The following ACY1 variants were observed in gnomAD, a reference collection of about 807,000 sequenced individuals.
ACY1 encodes the protein aminoacylase 1.
In ACY1, 38 loss-of-function variants were observed where a neutral mutation model predicts 53.3. The ratio of observed to expected loss-of-function variants is 0.71; its 90% confidence interval spans 0.55 to 0.93. The LOEUF is 0.93. Ranked by LOEUF, ACY1 falls within the 40% of genes least tolerant of loss-of-function variation. The pLI is 0.00. For missense variants in ACY1, 484 were observed against 540.9 expected, an observed-to-expected ratio of 0.89 and a Z score of 1.04; for synonymous variants, 177 against 202.1, an observed-to-expected ratio of 0.88 and a Z score of 1.05.
chr3:51,989,019 T>C lies in ACY1; in HGVS notation c.1171T>C (p.Tyr391His). The change falls in exon 15 of 15, where the codon TAT becomes CAT. Residue 391 changes from tyrosine to histidine, a missense_variant. Tyr to His is a moderately conservative substitution (Grantham distance 83). Coordinates refer to ENST00000636358, the MANE Select transcript of ACY1 (RefSeq NM_000666.3). ...EAVFLRGVDI[Y>H]TRLLPALASV... ...TGTGTTCCTCCGTGGGGTGGACATA[T>C]ATACACGCCTGCTGCCTGCCCTTGC... 3 of 1,614,076 alleles carry C rather than the reference T, an allele frequency of 1.9e-6. No individual in the cohort carries two copies. Among genetic ancestry groups the C allele is most frequent in the Non-Finnish European group, 2.5e-6 (3 of 1,180,030 alleles).
At chr3:51,988,292 A>G in intron 12 of ACY1, 1 of 609,146 alleles carries the variant, frequency 1.6e-6, no homozygotes, top group Non-Finnish European at 3.0e-6. Context: ...CACTTGGGCT[A>G]GGATCTGAAG....
At position 51,986,681 on chromosome 3, in the gene ACY1, G is replaced by C; in HGVS notation, c.583+20G>C. The C allele has an allele frequency of 6.2e-7, 1 of 1,613,170 alleles. No individual in the cohort carries two copies. Among genetic ancestry groups the C allele is most frequent in the Non-Finnish European group, 8.5e-7 (1 of 1,179,814 alleles). ...CCTGGTGTAAGTATGAGCTTGGAGG[G>C]AGGGCTCACTCTACAGGCGGGAGGC... On this transcript the variant is annotated intron_variant, in intron 8 of 14. Transcript: ENST00000636358.
In ACY1 at chr3:51,986,474, G is replaced by A. The variant is rs564775955; in HGVS notation, c.496G>A (p.Ala166Thr). 1.5e-5 allele frequency: 24 copies of A among 1,613,804 alleles called. No individual in the cohort carries two copies. Among genetic ancestry groups the A allele is most frequent in the Non-Finnish European group, 1.8e-5 (21 of 1,179,892 alleles). Residue 166 changes from alanine to threonine, a missense_variant, in exon 7 of 15, where the codon GCC becomes ACC. Coordinates refer to ENST00000636358, the MANE Select transcript of ACY1 (RefSeq NM_000666.3). ...ELFVQRPEFHALRAGFALDEG... is the reference protein window; with the variant it reads ...ELFVQRPEFHTLRAGFALDEG... ...GTTCGTGCAGCGGCCTGAGTTCCAC[G>A]CCCTGAGGGCAGGCTTTGCCCTGGA...
rs763508810 is a variant in ACY1 at position 51,985,291 on chromosome 3, C to T, written c.159+20C>T. The T allele has an allele frequency of 3.0e-5, 48 of 1,612,520 alleles. No individual in the cohort carries two copies. The highest frequency in any genetic ancestry group is 4.5e-5 in the East Asian group (2 of 44,852). ...GTAGAGGTGAGCCTGGGGCCCTAAG[C>T]GGGGAAGGGAGGTGGGCCTGGGCAC... On this transcript the variant is annotated intron_variant, in intron 3 of 14. Coordinates refer to ENST00000636358, the MANE Select transcript of ACY1 (RefSeq NM_000666.3).
rs762029113 is a variant in ACY1 at position 51,988,762 on chromosome 3, A to G, written c.1002-4A>G. ...CCCCATTCATCAGGCTCTTTCTCCT[A>G]CAGGAACCTCACTCTGGAGCCTGAG... On this transcript the variant is annotated splice_region_variant and splice_polypyrimidine_tract_variant and intron_variant, in intron 13 of 14. Transcript: ENST00000636358. 5 of 1,613,082 alleles carry G rather than the reference A, an allele frequency of 3.1e-6. No homozygotes were observed. The highest frequency in any genetic ancestry group is 4.2e-6 in the Non-Finnish European group (5 of 1,179,788).
chr3:51,984,267 C>A, intron 2 of ACY1, 109 bp downstream of exon 2: 1 of 1,012,794 alleles, frequency 9.9e-7, no homozygotes, highest in South Asian at 1.3e-5. Flanking sequence ...TCTGCTGTCC[C>A]AAATGGCTCC....
intron 5 of ACY1, 89 bp from the exon 6 acceptor site, chr3:51,986,166 G>T: frequency 7.2e-7 from 1 of 1,391,074 alleles, no homozygotes. Context: ...GTAAAGTCCA[G>T]GACACAGGAC....
chr3:51,988,574 G>A lies in ACY1; in HGVS notation c.972G>A (p.Trp324Ter). ...VTPTDDSNPW[W>*]AAFSRVCKDM... ...CTACTGATGACTCAAACCCTTGGTGGGCAGCTTTTAGCCGGGTCTGCAAGG... is the reference window on the plus strand; with the variant it reads ...CTACTGATGACTCAAACCCTTGGTGAGCAGCTTTTAGCCGGGTCTGCAAGG... Residue 324 changes from tryptophan (W) to a stop codon, truncating the protein, a stop_gained, in exon 13 of 15, where the codon TGG becomes TGA. Coordinates refer to ENST00000636358, the MANE Select transcript of ACY1 (RefSeq NM_000666.3). LOFTEE classifies it high-confidence loss of function. The A allele has an allele frequency of 6.2e-7, 1 of 1,614,130 alleles. No individual in the cohort carries two copies. The highest frequency in any genetic ancestry group is 8.5e-7 in the Non-Finnish European group (1 of 1,180,024).
intron 1 of ACY1, 109 bp from the exon 2 acceptor site, chr3:51,983,938 A>ATCC (rs1700969672): frequency 2.5e-6 from 2 of 793,530 alleles, no homozygotes; most frequent in South Asian, 2.8e-5. Context: ...GAAACACGGT[A>ATCC]TCCTACCCCT....
At chr3:51,984,231 AC>A (rs34903202) in intron 2 of ACY1, 73 bp downstream of exon 2, 14 of 1,377,470 alleles carry the variant, frequency 1.0e-5, no homozygotes, top group Non-Finnish European at 1.3e-5. Flanking sequence ...CCAGCCTCCA[AC>A]CCCTGTCACC....
intron 8 of ACY1, 66 bp from the exon 9 acceptor site, chr3:51,986,922 C>T: frequency 6.5e-7 from 1 of 1,547,018 alleles, no homozygotes; most frequent in Non-Finnish European, 8.9e-7. Context: ...CCTGGGCCCA[C>T]CCCAGGCTGA....
chr3:51,985,212 G>A lies in ACY1; in HGVS notation c.100G>A (p.Ala34Thr), dbSNP rs778587532. 1.2e-6 allele frequency: 2 copies of A among 1,603,294 alleles called. No individual in the cohort carries two copies. Among genetic ancestry groups the A allele is most frequent in the South Asian group, 2.2e-5 (2 of 89,384 alleles). Reference protein sequence around the residue: ...TVQPKPDYGAAVAFFEETARQ... With the variant: ...TVQPKPDYGATVAFFEETARQ... ...AAGACACTCTGTGCCTCCAGGAGCT[G>A]CTGTGGCTTTCTTTGAGGAGACAGC... The change falls in exon 3 of 15, where the codon GCT (alanine) becomes ACT (threonine). Residue 34 changes from alanine (A) to threonine (T), a missense_variant. Physicochemically the swap from Ala to Thr is moderately conservative, Grantham distance 58. Transcript: ENST00000636358.
At chr3:51,984,301 A>G (rs901063507) in intron 2 of ACY1, 143 bp downstream of exon 2, 4 of 756,096 alleles carry the variant, frequency 5.3e-6, no homozygotes, top group Non-Finnish European at 9.2e-6. Flanking sequence ...CCATTCCCCA[A>G]GTAAATAGAC....
At chr3:51,987,231 G>A in intron 10 of ACY1, 35 bp downstream of exon 10, 4 of 1,614,096 alleles carry the variant, frequency 2.5e-6, no homozygotes, top group Non-Finnish European at 3.4e-6. Context: ...GGTGGCTCTG[G>A]GAGGCGGTAC....
In ACY1 at chr3:51,986,591, C is replaced by G; in HGVS notation, c.527-14C>G. ...TGAGCTGCTCCACCCTCTGAACCCC[C>G]TTTCCCTCCTCAGGCATAGCCAATC... On this transcript the variant is annotated splice_polypyrimidine_tract_variant and intron_variant, in intron 7 of 14. Transcript: ENST00000636358. 6.2e-7 allele frequency: 1 copy of G among 1,614,206 alleles called. No individual in the cohort carries two copies. The highest frequency in any genetic ancestry group is 8.5e-7 in the Non-Finnish European group (1 of 1,180,024).
intron 2 of ACY1, chr3:51,984,930 TC>T (rs1182322706): frequency 1.9e-6 from 1 of 526,280 alleles, no homozygotes; most frequent in Non-Finnish European, 3.4e-6. Flanking sequence ...TGGGTGAATC[TC>T]TTCATGTCTC....
Position 51,985,411 on chromosome 3 carries a change from T to G in ACY1, c.210T>G (p.Pro70=), listed in dbSNP as rs137929799. 3.7e-5 allele frequency: 59 copies of G among 1,613,972 alleles called. No homozygotes were observed. The highest frequency in any genetic ancestry group is 4.7e-5 in the Non-Finnish European group (55 of 1,180,020). Residue 70 remains proline (P), a synonymous_variant, in exon 4 of 15, where the codon CCT becomes CCG. Coordinates refer to ENST00000636358, the MANE Select transcript of ACY1 (RefSeq NM_000666.3). ...VTVLTWPGTN[P]TLSSILLNSH... Reference sequence around the variant, plus strand: ...TGTTGACCTGGCCAGGCACCAACCCTACACTCTCCTCCATCTTGCTCAACT... The same window carrying G: ...TGTTGACCTGGCCAGGCACCAACCCGACACTCTCCTCCATCTTGCTCAACT...
intron 12 of ACY1, 40 bp downstream of exon 12, chr3:51,987,664 G>T: frequency 6.2e-7 from 1 of 1,600,098 alleles, no homozygotes; most frequent in South Asian, 1.1e-5. Flanking sequence ...TGTGGGAGCC[G>T]GGGGAGACCC....
chr3:51,985,032 A>G, intron 2 of ACY1, 175 bp from the exon 3 acceptor site: 1 of 719,804 alleles, frequency 1.4e-6, no homozygotes, highest in Non-Finnish European at 2.4e-6. Context: ...AGGGTCACTG[A>G]GTAGCCAAAA....
Sources: allele counts gnomAD v4.1 joint callset, GRCh38; gene constraint gnomAD v4.1.1; transcripts MANE v1.5; gene names NCBI Gene and HGNC (gene_info 2026-07-23, HGNC 2026-07-21).